CPNE8: variants seen among roughly 807,000 people sequenced by gnomAD.
CPNE8 encodes copine 8, also known as copine-8.
A neutral mutation model predicts 81.5 loss-of-function variants in CPNE8; 45 were observed. That is an observed-to-expected ratio of 0.55 (90% CI 0.44 to 0.71). The LOEUF is 0.71. Ranked by LOEUF, CPNE8 falls within the 30% of genes least tolerant of loss-of-function variation. CPNE8 has a pLI of 0.00. For synonymous variants in CPNE8, 252 were observed against 226.3 expected (o/e 1.11, Z -1.02); for missense variants, 594 against 672.1 (o/e 0.88, Z 1.28).
intron 6 of CPNE8, among the ~76,000 whole-genome samples, chr12:38,777,042 A>C (rs1418110357): frequency 6.6e-6 from 1 of 151,732 alleles, no homozygotes; most frequent in Non-Finnish European, 1.5e-5. Context: ...AAAAAAAAAC[A>C]AAGCTAACTG....
chr12:38,866,540 C>T (rs1013862089), intron 3 of CPNE8, among the ~76,000 whole-genome samples: 2 of 152,004 alleles, frequency 1.3e-5, no homozygotes, highest in African/African-American at 4.8e-5. Context: ...TTCTCTAAGA[C>T]AAAAATGAAA....
chr12:38,733,012 A>G (rs924261886), intron 10 of CPNE8, among the ~76,000 whole-genome samples: 1 of 151,964 alleles, frequency 6.6e-6, no homozygotes, highest in African/African-American at 2.4e-5. Flanking sequence ...AAAACATATT[A>G]TTGCATCCAT....
At chr12:38,782,349 T>C (rs1942073383) in intron 6 of CPNE8, among the ~76,000 whole-genome samples, 1 of 152,158 alleles carries the variant, frequency 6.6e-6, no homozygotes, top group Non-Finnish European at 1.5e-5. Context: ...GAGGAAAATA[T>C]ACCTATAATG....
At chr12:38,751,998 T>G in intron 10 of CPNE8, among the ~76,000 whole-genome samples, 1 of 152,214 alleles carries the variant, frequency 6.6e-6, no homozygotes, top group South Asian at 2.1e-4. Flanking sequence ...ATCCTCAGTA[T>G]TTTGTTGTAT....
chr12:38,734,787 CTCCAGACACTTATACATTTTG>C (rs1940915385), intron 10 of CPNE8, among the ~76,000 whole-genome samples: 1 of 152,036 alleles, frequency 6.6e-6, no homozygotes, highest in Non-Finnish European at 1.5e-5. Flanking sequence ...AAGACTGTAA[CTCCAGACACTTATACATTTTG>C]TCAATAAAGA....
intron 16 of CPNE8, chr12:38,679,435 T>C (rs1443063177): frequency 1.7e-5 from 6 of 347,992 alleles, no homozygotes; most frequent in Non-Finnish European, 2.4e-5. Flanking sequence ...TTCATAGAAA[T>C]TTTATACTTT....
chr12:38,812,645 C>T (rs1424845596), intron 6 of CPNE8, among the ~76,000 whole-genome samples: 1 of 152,132 alleles, frequency 6.6e-6, no homozygotes, highest in Non-Finnish European at 1.5e-5. Flanking sequence ...CATGGCCAAA[C>T]CATATCAGTT....
At chr12:38,870,649 G>A (rs1033392505) in intron 3 of CPNE8, among the ~76,000 whole-genome samples, 2 of 152,070 alleles carry the variant, frequency 1.3e-5, no homozygotes, top group Non-Finnish European at 2.9e-5. Flanking sequence ...TCGGCGGGTG[G>A]GGGGCTAGGG....
chr12:38,694,476 G>A (rs542886135), intron 14 of CPNE8, among the ~76,000 whole-genome samples: 13 of 152,196 alleles, frequency 8.5e-5, no homozygotes, highest in South Asian at 4.1e-4. Context: ...GTGTTTACCC[G>A]GAGGACAAAA....
At chr12:38,701,393 T>C (rs1238251782) in intron 14 of CPNE8, among the ~76,000 whole-genome samples, 3 of 152,248 alleles carry the variant, frequency 2.0e-5, no homozygotes, top group African/African-American at 7.2e-5. Context: ...TAATAATTTC[T>C]TGCTTATCTT....
chr12:38,671,726 C>G (rs1435745655), intron 18 of CPNE8, among the ~76,000 whole-genome samples: 1 of 152,082 alleles, frequency 6.6e-6, no homozygotes, highest in African/African-American at 2.4e-5. Flanking sequence ...AGCATACAAT[C>G]CTCACTTCTT....
At chr12:38,849,867 T>C (rs1173427401) in intron 3 of CPNE8, among the ~76,000 whole-genome samples, 1 of 152,194 alleles carries the variant, frequency 6.6e-6, no homozygotes, top group Non-Finnish European at 1.5e-5. Flanking sequence ...ACACATTACT[T>C]TCAATATTTA....
At chr12:38,841,402 T>G (rs912683772) in intron 4 of CPNE8, among the ~76,000 whole-genome samples, 1 of 152,194 alleles carries the variant, frequency 6.6e-6, no homozygotes, top group Non-Finnish European at 1.5e-5. Context: ...GAAAGTATTA[T>G]AGAATACAGG....
intron 3 of CPNE8, among the ~76,000 whole-genome samples, chr12:38,849,667 C>A (rs1943615457): frequency 6.6e-6 from 1 of 152,092 alleles, no homozygotes; most frequent in African/African-American, 2.4e-5. Flanking sequence ...TGGATCACTC[C>A]CAAAAAGAAC....
intron 1 of CPNE8, among the ~76,000 whole-genome samples, chr12:38,902,274 GA>G (rs1188200257): frequency 2.6e-5 from 3 of 114,112 alleles, no homozygotes; most frequent in African/African-American, 3.6e-5. Flanking sequence ...GAAAGAAAAA[GA>G]AAAGAAAGAA....
At chr12:38,874,571 A>T (rs1170474348) in intron 1 of CPNE8, 60 bp from the exon 2 acceptor site, 1 of 1,070,292 alleles carries the variant, frequency 9.3e-7, no homozygotes, top group African/African-American at 1.6e-5. Context: ...ATATTTATAT[A>T]GACATATTAA....
At chr12:38,761,425 A>T (rs1323104936) in intron 9 of CPNE8, among the ~76,000 whole-genome samples, 1 of 152,172 alleles carries the variant, frequency 6.6e-6, no homozygotes, top group South Asian at 2.1e-4. Flanking sequence ...TTAGGAAAAA[A>T]TGAGTCCAGC....
chr12:38,840,423 T>C (rs1421483557), intron 4 of CPNE8, among the ~76,000 whole-genome samples: 2 of 152,126 alleles, frequency 1.3e-5, no homozygotes, highest in Admixed American at 1.3e-4. Context: ...AATATCCTAT[T>C]TGTGATATTG....
At chr12:38,809,530 A>T (rs1208535585) in intron 6 of CPNE8, among the ~76,000 whole-genome samples, 1 of 152,130 alleles carries the variant, frequency 6.6e-6, no homozygotes, top group East Asian at 1.9e-4. Flanking sequence ...TTGCCACATA[A>T]CACAACATAA....
Sources: gnomAD v4.1 joint callset for allele counts (sites outside exome capture counted in the v4.1 genomes callset) on GRCh38, gnomAD v4.1.1 for gene constraint, MANE v1.5 for transcripts, NCBI Gene and HGNC (gene_info 2026-07-23, HGNC 2026-07-21) for gene names.